THSD7B: variants seen among roughly 807,000 people sequenced by gnomAD.
THSD7B encodes thrombospondin type-1 domain-containing protein 7B.
THSD7B carries 138 observed loss-of-function variants against 213.6 expected under a neutral mutation model. The observed-to-expected ratio is 0.65, with a 90% CI of 0.56 to 0.74. The LOEUF (loss-of-function observed/expected upper bound fraction) is 0.74. THSD7B is among the 30% of genes least tolerant of loss of function. The probability of loss-of-function intolerance (pLI) is 0.00; values close to 1 mark genes in which losing one functional copy is unlikely to be tolerated. For missense variants in THSD7B, 1,931 were observed against 1,991.5 expected (o/e 0.97, Z 0.58); for synonymous variants, 742 against 687.0 (o/e 1.08, Z -1.25).
chr2:136,948,934 A>G (rs950456581), intron 2 of THSD7B, among the ~76,000 whole-genome samples: 1 of 152,174 alleles, frequency 6.6e-6, no homozygotes, highest in Non-Finnish European at 1.5e-5. Flanking sequence ...CTTAGAATTC[A>G]CTGAGTCTGT....
chr2:137,038,759 C>T lies in THSD7B; in HGVS notation c.140-17661C>T, dbSNP rs138923256. On this transcript the variant is annotated intron_variant, in intron 2 of 27. Transcript: ENST00000409968. ...CTGCAATCTGTACCATTCACCTTGG[C>T]TCTGCATAGCAGGCTATAGTGGGGA... 4.4e-3 allele frequency among the ~76,000 whole-genome samples: 673 copies of T among 152,340 alleles called. 6 individuals carry two copies. Among genetic ancestry groups the T allele is most frequent in the African/African-American group, 0.015 (615 of 41,580 alleles).
Position 137,450,876 on chromosome 2 carries a change from C to A in THSD7B, c.2991C>A (p.Cys997Ter). The change falls in exon 15 of 28, where the codon TGC (cysteine) becomes TGA (stop). Residue 997 changes from cysteine (C) to a stop codon, truncating the protein, a stop_gained. Coordinates refer to ENST00000409968, the MANE Select transcript of THSD7B (RefSeq NM_001316349.2). LOFTEE classifies it high-confidence loss of function. The stretch of plus-strand genomic sequence containing the variant: ...TTCAAGAAAAATGTGTCATTCCCTG[C>A]CCATTTGATTGCAAGTTAAGCGATT... ...GYIQEKCVIPCPFDCKLSDWS... is the reference protein window; with the variant it reads ...GYIQEKCVIP 6.2e-7 allele frequency: 1 copy of A among 1,609,530 alleles called. No homozygotes were observed. Among genetic ancestry groups the A allele is most frequent in the Non-Finnish European group, 8.5e-7 (1 of 1,178,032 alleles).
chr2:136,871,186 A>G (rs559902661), intron 1 of THSD7B, among the ~76,000 whole-genome samples: 2 of 152,304 alleles, frequency 1.3e-5, no homozygotes, highest in South Asian at 4.1e-4. Context: ...TGTATGTTAC[A>G]TGTGTGTGCC....
intron 2 of THSD7B, among the ~76,000 whole-genome samples, chr2:136,938,845 T>C (rs1324037524): frequency 6.6e-6 from 1 of 152,188 alleles, no homozygotes; most frequent in Non-Finnish European, 1.5e-5. Context: ...TGACTTAGTG[T>C]GGTGTCACAG....
chr2:137,057,013 G>A lies in THSD7B; in HGVS notation c.733G>A (p.Val245Ile). ...AGAGGAATATACATTTAGCCTTAAGGTTGGACCATGGAGTAAATGCAGACT... is the reference window on the plus strand; with the variant it reads ...AGAGGAATATACATTTAGCCTTAAGATTGGACCATGGAGTAAATGCAGACT... ...GEEEYTFSLKVGPWSKCRLPH... is the reference protein window; with the variant it reads ...GEEEYTFSLKIGPWSKCRLPH... The change falls in exon 3 of 28, where the codon GTT becomes ATT. Residue 245 changes from valine (V) to isoleucine (I), a missense_variant. Transcript: ENST00000409968. The A allele has an allele frequency of 1.9e-6, 3 of 1,613,930 alleles. No homozygotes were observed. The highest frequency in any genetic ancestry group is 2.5e-6 in the Non-Finnish European group (3 of 1,179,888).
At chr2:137,108,886 A>G (rs1163253776) in intron 4 of THSD7B, among the ~76,000 whole-genome samples, 1 of 152,122 alleles carries the variant, frequency 6.6e-6, no homozygotes, top group African/African-American at 2.4e-5. Flanking sequence ...TCACAGCTAT[A>G]ATACGTGGTG....
intron 26 of THSD7B, among the ~76,000 whole-genome samples, chr2:137,666,653 G>A (rs886964116): frequency 6.6e-6 from 1 of 151,298 alleles, no homozygotes; most frequent in African/African-American, 2.4e-5. Context: ...AGAAATAAAT[G>A]CAATTCCTTT....
At chr2:136,797,174 A>G (rs1386181326) in intron 1 of THSD7B, among the ~76,000 whole-genome samples, 3 of 151,980 alleles carry the variant, frequency 2.0e-5, no homozygotes, top group Non-Finnish European at 2.9e-5. Context: ...AGACCTTCAA[A>G]TGCTGGAACA....
At chr2:137,316,057 TATC>T (rs1684090250) in intron 12 of THSD7B, among the ~76,000 whole-genome samples, 1 of 152,264 alleles carries the variant, frequency 6.6e-6, no homozygotes, top group South Asian at 2.1e-4. Context: ...TAGTCTTTGA[TATC>T]ATCACAGAAT....
At chr2:137,147,047 T>C (rs10171186) in intron 5 of THSD7B, among the ~76,000 whole-genome samples, 1 of 152,126 alleles carries the variant, frequency 6.6e-6, no homozygotes, top group Non-Finnish European at 1.5e-5. Flanking sequence ...AAAGTATAAA[T>C]CCTTGTTGTA....
At chr2:136,879,887 A>G (rs1255474602) in intron 1 of THSD7B, among the ~76,000 whole-genome samples, 3 of 152,210 alleles carry the variant, frequency 2.0e-5, no homozygotes, top group African/African-American at 7.2e-5. Context: ...ACATAATGGT[A>G]AAGGGATCAA....
intron 13 of THSD7B, among the ~76,000 whole-genome samples, chr2:137,408,759 C>G (rs550415112): frequency 1.3e-5 from 2 of 152,198 alleles, no homozygotes; most frequent in East Asian, 3.9e-4. Flanking sequence ...TGTGCAAGTC[C>G]CTGGCTCATG....
intron 5 of THSD7B, among the ~76,000 whole-genome samples, chr2:137,124,556 A>G (rs780287557): frequency 1.3e-5 from 2 of 152,134 alleles, no homozygotes; most frequent in Non-Finnish European, 2.9e-5. Context: ...TTCCTCAAGC[A>G]CACAGGGGAA....
At chr2:137,502,066 A>C (rs1230310099) in intron 15 of THSD7B, among the ~76,000 whole-genome samples, 1 of 152,172 alleles carries the variant, frequency 6.6e-6, no homozygotes, top group Non-Finnish European at 1.5e-5. Flanking sequence ...TAAGCCAATA[A>C]ATGATGTGTA....
At chr2:136,887,300 T>TTGTGTGTGTG (rs3084772) in intron 2 of THSD7B, among the ~76,000 whole-genome samples, 7,238 of 148,522 alleles carry the variant, frequency 0.049, 192 homozygotes, top group Non-Finnish European at 0.063. Flanking sequence ...TCCATATTTG[T>TTGTGTGTGTG]TGTGTGTGTG....
chr2:137,225,299 CATGATG>C (rs2105048596), intron 7 of THSD7B, among the ~76,000 whole-genome samples: 1 of 152,292 alleles, frequency 6.6e-6, no homozygotes, highest in East Asian at 1.9e-4. Context: ...CACCCCATGC[CATGATG>C]CAGTTCCAAA....
At chr2:137,177,986 G>T (rs181720378) in intron 7 of THSD7B, among the ~76,000 whole-genome samples, 3 of 150,038 alleles carry the variant, frequency 2.0e-5, no homozygotes, top group African/African-American at 7.4e-5. Context: ...CAGGAGAATC[G>T]CTTGAACCTG....
At chr2:137,419,878 G>A (rs1686885937) in intron 14 of THSD7B, among the ~76,000 whole-genome samples, 1 of 151,926 alleles carries the variant, frequency 6.6e-6, no homozygotes, top group Non-Finnish European at 1.5e-5. Flanking sequence ...CACTTAGACT[G>A]ATTCCATATT....
At chr2:136,840,166 G>A (rs1310427164) in intron 1 of THSD7B, among the ~76,000 whole-genome samples, 2 of 152,022 alleles carry the variant, frequency 1.3e-5, no homozygotes, top group Non-Finnish European at 2.9e-5. Flanking sequence ...ATCACCTGAG[G>A]TTAGGAATTT....
Sources: allele counts gnomAD v4.1 joint callset (sites outside exome capture counted in the v4.1 genomes callset), GRCh38; gene constraint gnomAD v4.1.1; transcripts MANE v1.5; gene names NCBI Gene and HGNC (gene_info 2026-07-23, HGNC 2026-07-21).